Variants in DGKB observed in about 807,000 individuals in gnomAD.
DGKB encodes diacylglycerol kinase beta, also known as 90 kDa diacylglycerol kinase.
Under a neutral mutation model 114.3 loss-of-function variants are expected in DGKB, and 67 were observed. The observed-to-expected ratio is 0.59, with a 90% CI of 0.48 to 0.72. The LOEUF (loss-of-function observed/expected upper bound fraction) is 0.72, where lower values mean the gene tolerates loss of function less well. Ranked by LOEUF, DGKB falls within the 30% of genes least tolerant of loss-of-function variation. The pLI is 0.00. For missense variants in DGKB, 907 were observed against 975.2 expected (o/e 0.93, Z 0.93); for synonymous variants, 398 against 323.1 (o/e 1.23, Z -2.49).
chr7:14,956,777 C>A (rs538848796), intron 1 of DGKB, among the ~76,000 whole-genome samples: 2 of 151,876 alleles, frequency 1.3e-5, no homozygotes, highest in Admixed American at 6.6e-5. Context: ...TGTAAAGATC[C>A]GTAGGTGTCA....
intron 9 of DGKB, among the ~76,000 whole-genome samples, chr7:14,693,406 C>T (rs1008573379): frequency 6.6e-6 from 1 of 151,968 alleles, no homozygotes; most frequent in Non-Finnish European, 1.5e-5. Flanking sequence ...TATTATATTA[C>T]ATTCTCATCT....
rs936005400 is a variant in DGKB, at chr7:14,323,927, G to A, written c.2122+14588C>T. Among the ~76,000 whole-genome samples, 10 of 152,192 alleles carry A rather than the reference G, an allele frequency of 6.6e-5. No homozygotes were observed. In the East Asian group the frequency reaches 1.5e-3, roughly 24 times the overall value. Reference sequence around the variant, plus strand: ...AGAAAACAACAGATTTAATACCAGGGTAATCACTTTACTTAGTTCAAGAAC... The same window carrying A: ...AGAAAACAACAGATTTAATACCAGGATAATCACTTTACTTAGTTCAAGAAC... On this transcript the variant is annotated intron_variant, in intron 23 of 25. Transcript: ENST00000402815.
intron 2 of DGKB, among the ~76,000 whole-genome samples, chr7:14,789,965 C>G (rs373745361): frequency 2.4e-4 from 37 of 152,180 alleles, no homozygotes; most frequent in African/African-American, 8.7e-4. Context: ...ATGTCGTTAC[C>G]AATTTTTGTT....
At chr7:14,643,260 G>T (rs1307551958) in intron 13 of DGKB, among the ~76,000 whole-genome samples, 1 of 152,154 alleles carries the variant, frequency 6.6e-6, no homozygotes, top group Non-Finnish European at 1.5e-5. Flanking sequence ...TCCCATCAGA[G>T]ATGTCTGGAA....
At chr7:14,968,160 CTT>C (rs1787271130) in intron 1 of DGKB, among the ~76,000 whole-genome samples, 1 of 150,660 alleles carries the variant, frequency 6.6e-6, no homozygotes, top group African/African-American at 2.4e-5. Flanking sequence ...GATCTTTGTT[CTT>C]GTCTTTTTTT....
At chr7:14,401,497 C>G (rs1029343052) in intron 21 of DGKB, among the ~76,000 whole-genome samples, 1 of 151,834 alleles carries the variant, frequency 6.6e-6, no homozygotes, top group South Asian at 2.1e-4. Context: ...CCCATTAACA[C>G]TGTGTTAATT....
At chr7:14,586,509 T>A (rs1800791514) in intron 17 of DGKB, among the ~76,000 whole-genome samples, 2 of 152,136 alleles carry the variant, frequency 1.3e-5, no homozygotes, top group Admixed American at 1.3e-4. Flanking sequence ...CTACAATTAT[T>A]GATAAAGGTG....
chr7:14,350,683 A>G (rs556958905), intron 21 of DGKB, among the ~76,000 whole-genome samples: 1 of 151,514 alleles, frequency 6.6e-6, no homozygotes, highest in East Asian at 1.9e-4. Context: ...ATAATTTATT[A>G]TGTAGAAAAC....
intron 1 of DGKB, among the ~76,000 whole-genome samples, chr7:14,852,007 C>A (rs1361418629): frequency 6.6e-6 from 1 of 152,182 alleles, no homozygotes; most frequent in East Asian, 1.9e-4. Flanking sequence ...TATGCCCATT[C>A]TGAATTCCTG....
At chr7:14,504,420 C>A (rs182665897) in intron 20 of DGKB, among the ~76,000 whole-genome samples, 5 of 152,054 alleles carry the variant, frequency 3.3e-5, no homozygotes, top group Non-Finnish European at 5.9e-5. Context: ...GCTTCTTATC[C>A]GGACTCATTA....
intron 23 of DGKB, among the ~76,000 whole-genome samples, chr7:14,212,884 G>T (rs1010768553): frequency 6.6e-6 from 1 of 151,926 alleles, no homozygotes; most frequent in Non-Finnish European, 1.5e-5. Context: ...CAATTAGTAA[G>T]TATTGCCAAT....
Position 14,255,407 on chromosome 7 carries a change from A to G in DGKB, c.2123-77256T>C, listed in dbSNP as rs75584416. 7.4e-3 allele frequency among the ~76,000 whole-genome samples: 1,129 copies of G among 152,292 alleles called. 13 individuals are homozygous for G. Among genetic ancestry groups the G allele is most frequent in the African/African-American group, 0.026 (1,072 of 41,550 alleles). ...GATAAAGATCAAGACATAGAATTCA[A>G]TTAAAGACATTTCACTCTACTTGCA... On this transcript the variant is annotated intron_variant, in intron 23 of 25. Transcript: ENST00000402815.
At chr7:14,958,698 G>T (rs1348409756) in intron 1 of DGKB, among the ~76,000 whole-genome samples, 1 of 151,800 alleles carries the variant, frequency 6.6e-6, no homozygotes, top group African/African-American at 2.4e-5. Flanking sequence ...GCACATCCTT[G>T]GCCATGTTTT....
At chr7:14,508,148 A>G (rs1226917312) in intron 20 of DGKB, among the ~76,000 whole-genome samples, 1 of 152,166 alleles carries the variant, frequency 6.6e-6, no homozygotes, top group Non-Finnish European at 1.5e-5. Flanking sequence ...TCTTGTCTTT[A>G]TTTATATAAA....
intron 13 of DGKB, among the ~76,000 whole-genome samples, chr7:14,645,646 A>T (rs1303863125): frequency 3.3e-5 from 5 of 152,040 alleles, no homozygotes; most frequent in African/African-American, 7.3e-5. Flanking sequence ...CACACTTCTC[A>T]GAAGAAACCA....
chr7:14,487,485 C>G (rs1783989134), intron 20 of DGKB, among the ~76,000 whole-genome samples: 1 of 151,468 alleles, frequency 6.6e-6, no homozygotes, highest in Admixed American at 6.6e-5. Context: ...TCTATGTGAA[C>G]TTTAAGTTAA....
At chr7:14,444,428 A>G (rs1421559404) in intron 21 of DGKB, among the ~76,000 whole-genome samples, 1 of 151,830 alleles carries the variant, frequency 6.6e-6, no homozygotes, top group Non-Finnish European at 1.5e-5. Context: ...CATTAGAAAC[A>G]TTATATAATA....
Position 14,476,850 on chromosome 7 carries a change from G to A in DGKB, c.1835+1311C>T, listed in dbSNP as rs147930639. Among the ~76,000 whole-genome samples, 797 of 151,476 alleles carry A rather than the reference G, an allele frequency of 5.3e-3. 5 individuals carry two copies. The highest frequency in any genetic ancestry group is 0.017 in the Middle Eastern group (5 of 290). On this transcript the variant is annotated intron_variant, in intron 21 of 25. Coordinates refer to ENST00000402815, the MANE Select transcript of DGKB (RefSeq NM_001350709.2). Reference sequence around the variant, plus strand: ...GCTCACTGCAACCTCCGCCTCCAGGGTTCAAACGATTCTCCTGCCTCAGCC... The same window carrying A: ...GCTCACTGCAACCTCCGCCTCCAGGATTCAAACGATTCTCCTGCCTCAGCC...
intron 1 of DGKB, among the ~76,000 whole-genome samples, chr7:14,921,846 A>G (rs1048984278): frequency 1.3e-5 from 2 of 152,214 alleles, no homozygotes; most frequent in Non-Finnish European, 2.9e-5. Context: ...TTAGCAAGAT[A>G]CAATGTGATT....
Sources: allele counts gnomAD v4.1 joint callset (sites outside exome capture counted in the v4.1 genomes callset), GRCh38; gene constraint gnomAD v4.1.1; transcripts MANE v1.5; gene names NCBI Gene and HGNC (gene_info 2026-07-23, HGNC 2026-07-21).